PHLPP2: variants seen among roughly 807,000 people sequenced by gnomAD.
PHLPP2 encodes PH domain leucine-rich repeat-containing protein phosphatase 2.
In PHLPP2, 66 loss-of-function variants were observed where a neutral mutation model predicts 124.9. That is an observed-to-expected ratio of 0.53 (90% CI 0.43 to 0.65). The LOEUF (loss-of-function observed/expected upper bound fraction) is 0.65. PHLPP2 is among the 30% of genes least tolerant of loss of function. The pLI is 0.00. For missense variants in PHLPP2, 1,685 were observed against 1,600.4 expected (o/e 1.05, Z -0.90); for synonymous variants, 681 against 624.7 (o/e 1.09, Z -1.34).
intron 2 of PHLPP2, among the ~76,000 whole-genome samples, chr16:71,708,275 A>G (rs1462169458): frequency 6.6e-6 from 1 of 152,192 alleles, no homozygotes; most frequent in African/African-American, 2.4e-5. Flanking sequence ...AAGAACCACA[A>G]GAGAAGTGAA....
At chr16:71,699,317 T>C (rs2045205881) in intron 3 of PHLPP2, among the ~76,000 whole-genome samples, 1 of 152,124 alleles carries the variant, frequency 6.6e-6, no homozygotes, top group Non-Finnish European at 1.5e-5. Flanking sequence ...CTGAGTGTCT[T>C]TTTACCAATC....
At chr16:71,685,379 T>C (rs747038410) in intron 4 of PHLPP2, among the ~76,000 whole-genome samples, 3 of 152,130 alleles carry the variant, frequency 2.0e-5, no homozygotes, top group East Asian at 1.9e-4. Context: ...CTATATAGCT[T>C]TGATGAGGAA....
intron 3 of PHLPP2, 58 bp from the exon 4 acceptor site, chr16:71,690,767 T>C (rs2145353894): frequency 1.7e-6 from 2 of 1,211,356 alleles, no homozygotes; most frequent in South Asian, 1.4e-5. Flanking sequence ...AATACAGAAA[T>C]GGAAAAAGAA....
At position 71,681,883 on chromosome 16, in the gene PHLPP2, G is replaced by C. The variant is rs1484813357; in HGVS notation, c.758C>G (p.Thr253Ser). 2 of 1,612,430 alleles carry C rather than the reference G, an allele frequency of 1.2e-6. No individual in the cohort carries two copies. Among genetic ancestry groups the C allele is most frequent in the Non-Finnish European group, 1.7e-6 (2 of 1,179,268 alleles). The change falls in exon 6 of 19, where the codon ACC becomes AGC. Residue 253 changes from threonine (T) to serine (S), a missense_variant. Thr to Ser is a moderately conservative substitution (Grantham distance 58, BLOSUM62 1). Coordinates refer to ENST00000568954, the MANE Select transcript of PHLPP2 (RefSeq NM_015020.3). ...GAGGCTGTAACACGAGAGATCCACG[G>C]TACTGATTCGCTGGGACACCACCTG... ...ASKVVSQRIS[T>S]VDLSCYSLEE...
Position 71,692,710 on chromosome 16 carries a change from G to T in PHLPP2, c.419-2001C>A, listed in dbSNP as rs543006238. On this transcript the variant is annotated intron_variant, in intron 3 of 18. Coordinates refer to ENST00000568954, the MANE Select transcript of PHLPP2 (RefSeq NM_015020.3). ...TCTTATATAAAATGAAATGGTATTT[G>T]CATATAACCTACGCACAACTTCCTG... Among the ~76,000 whole-genome samples the T allele has an allele frequency of 1.4e-3, 215 of 151,946 alleles. 5 individuals are homozygous for T. The highest frequency in any genetic ancestry group is 1.5e-4 in the Non-Finnish European group (10 of 67,978).
intron 9 of PHLPP2, among the ~76,000 whole-genome samples, chr16:71,672,979 C>T (rs2044908381): frequency 6.6e-6 from 1 of 152,184 alleles, no homozygotes; most frequent in South Asian, 2.1e-4. Flanking sequence ...ACTTGTCTGG[C>T]TTCATTCACT....
chr16:71,652,112 A>G (rs1196408237), intron 18 of PHLPP2, among the ~76,000 whole-genome samples: 3 of 152,246 alleles, frequency 2.0e-5, no homozygotes, highest in Non-Finnish European at 4.4e-5. Context: ...CTGGGAGAAA[A>G]TATTTGCAAA....
intron 12 of PHLPP2, 26 bp from the exon 13 acceptor site, chr16:71,664,125 C>T (rs1252047904): frequency 5.9e-6 from 9 of 1,514,184 alleles, no homozygotes; most frequent in Non-Finnish European, 8.3e-6. Context: ...CAGATCATCA[C>T]CTCCTTTAAG....
At chr16:71,709,092 A>G (rs2045306130) in intron 2 of PHLPP2, among the ~76,000 whole-genome samples, 4 of 152,218 alleles carry the variant, frequency 2.6e-5, no homozygotes, top group African/African-American at 9.6e-5. Context: ...GTTTCAAAAT[A>G]AAGAAAATTA....
intron 2 of PHLPP2, among the ~76,000 whole-genome samples, chr16:71,704,435 T>C (rs1387991051): frequency 1.3e-5 from 2 of 152,018 alleles, no homozygotes; most frequent in Non-Finnish European, 2.9e-5. Flanking sequence ...GAAAATGCTG[T>C]TGGCAACAAG....
intron 3 of PHLPP2, among the ~76,000 whole-genome samples, chr16:71,691,737 C>T (rs1257741042): frequency 6.6e-6 from 1 of 151,946 alleles, no homozygotes; most frequent in Non-Finnish European, 1.5e-5. Flanking sequence ...TACTTCTCAT[C>T]AGAGGCCTTC....
intron 9 of PHLPP2, among the ~76,000 whole-genome samples, chr16:71,673,872 AAC>A (rs2044917599): frequency 6.6e-6 from 1 of 152,160 alleles, no homozygotes; most frequent in African/African-American, 2.4e-5. Context: ...CACCAGTTTT[AAC>A]ACTCTTCTGA....
At chr16:71,661,067 C>CTTTTTTT (rs34708544) in intron 13 of PHLPP2, among the ~76,000 whole-genome samples, 1 of 132,302 alleles carries the variant, frequency 7.6e-6, no homozygotes, top group African/African-American at 2.8e-5. Flanking sequence ...TTGTCTTTGT[C>CTTTTTTT]TTTTTTTTTT....
Position 71,684,618 on chromosome 16 carries a change from G to T in PHLPP2, c.610-17C>A. 6.3e-7 allele frequency: 1 copy of T among 1,593,134 alleles called. No individual in the cohort carries two copies. On this transcript the variant is annotated splice_polypyrimidine_tract_variant and intron_variant, in intron 4 of 18. Transcript: ENST00000568954. ...TTCTTCTATCTGAAGAAGAGGAGGG[G>T]AGAAAACCAGAACCACTAAAAAAAA... is the stretch of plus-strand genomic sequence containing the variant.
chr16:71,719,668 C>G (rs971410035), intron 1 of PHLPP2, among the ~76,000 whole-genome samples: 3 of 150,100 alleles, frequency 2.0e-5, no homozygotes, highest in African/African-American at 7.3e-5. Context: ...AACTTCGTAT[C>G]TTCTATAAGC....
At chr16:71,681,350 T>C (rs551902746) in intron 6 of PHLPP2, among the ~76,000 whole-genome samples, 8 of 152,292 alleles carry the variant, frequency 5.3e-5, no homozygotes, top group South Asian at 2.1e-4. Flanking sequence ...GAGTTGGCAG[T>C]GGAAGGTACA....
At chr16:71,692,786 T>C (rs540854693) in intron 3 of PHLPP2, among the ~76,000 whole-genome samples, 1 of 151,926 alleles carries the variant, frequency 6.6e-6, no homozygotes, top group Non-Finnish European at 1.5e-5. Context: ...ACAATGTAAA[T>C]GTTAAGTAAA....
In PHLPP2 at chr16:71,672,316, G is replaced by A. The variant is rs1471830309; in HGVS notation, c.1478C>T (p.Thr493Ile). 2 of 1,612,618 alleles carry A rather than the reference G, an allele frequency of 1.2e-6. No individual in the cohort carries two copies. Among genetic ancestry groups the A allele is most frequent in the South Asian group, 1.1e-5 (1 of 91,010 alleles). Residue 493 changes from threonine to isoleucine, a missense_variant, in exon 10 of 19, where the codon ACA becomes ATA. Transcript: ENST00000568954. The part of the protein sequence containing the change: ...RTLYASSNRL[T>I]AVNVYPVPSL... ...GGGTACTGGATAGACGTTCACTGCT[G>A]TCAGCCCTAATCCAAAAACAAACAG... is the stretch of plus-strand genomic sequence containing the variant.
At chr16:71,658,603 T>C (rs1475295463) in intron 14 of PHLPP2, 50 bp downstream of exon 14, 3 of 1,545,994 alleles carry the variant, frequency 1.9e-6, no homozygotes, top group Non-Finnish European at 2.7e-6. Context: ...TGTCATTCAC[T>C]CTCCTGCCAT....
Sources: gnomAD v4.1 joint callset for allele counts (sites outside exome capture counted in the v4.1 genomes callset) on GRCh38, gnomAD v4.1.1 for gene constraint, MANE v1.5 for transcripts, NCBI Gene and HGNC (gene_info 2026-07-23, HGNC 2026-07-21) for gene names.